The following ACLY variants were observed in gnomAD, a reference collection of about 807,000 sequenced individuals.
ACLY encodes the protein ATP citrate lyase.
In ACLY, 41 loss-of-function variants were observed where a neutral mutation model predicts 133.0. That is an observed-to-expected ratio of 0.31 (90% CI 0.24 to 0.40). The LOEUF (loss-of-function observed/expected upper bound fraction) is 0.40. ACLY is among the 10% of genes least tolerant of loss of function. The pLI, the probability that ACLY is intolerant of heterozygous loss-of-function variation, is 1.00. For synonymous variants in ACLY, 495 were observed against 549.3 expected (o/e 0.90, Z 1.38); for missense variants, 1,046 against 1,453.8 (o/e 0.72, Z 4.56).
chr17:41,893,246 C>T, intron 14 of ACLY, 72 bp from the exon 15 acceptor site: 1 of 1,512,330 alleles, frequency 6.6e-7, no homozygotes, highest in South Asian at 1.3e-5. Context: ...CCAGGGCTGC[C>T]TGACAGACCC....
At chr17:41,903,755 CAAAAAAAAAAAAAA>C (rs10615655) in intron 10 of ACLY, among the ~76,000 whole-genome samples, 3 of 48,692 alleles carry the variant, frequency 6.2e-5, no homozygotes, top group Admixed American at 3.4e-4. Flanking sequence ...GACTCTGTCT[CAAAAAAAAAAAAAA>C]AAAAAAAAAA....
At chr17:41,898,598 C>T (rs781907755) in intron 12 of ACLY, 33 bp downstream of exon 12, 3 of 1,608,116 alleles carry the variant, frequency 1.9e-6, no homozygotes, top group Admixed American at 1.7e-5. Flanking sequence ...GAGATGGTTC[C>T]TTCCTGTAAG....
chr17:41,887,555 A>G lies in ACLY; in HGVS notation c.1875+44T>C, dbSNP rs1166244586. 1.9e-6 allele frequency: 3 copies of G among 1,540,026 alleles called. No individual in the cohort carries two copies. In the East Asian group the frequency reaches 6.7e-5, roughly 35 times the overall value. The stretch of plus-strand genomic sequence containing the variant: ...ACTTCCTAAGGGCATTGAACTTCAT[A>G]AGATAGCATCGAACGTAAAAGGCTT... On this transcript the variant is annotated intron_variant, in intron 17 of 28. Coordinates refer to ENST00000352035, the MANE Select transcript of ACLY (RefSeq NM_001096.3).
At chr17:41,924,001 A>C (rs1432177755), upstream of ACLY, among the ~76,000 whole-genome samples, 1 of 151,920 alleles carries the variant, frequency 6.6e-6, no homozygotes, top group East Asian at 1.9e-4. Context: ...AGTAGAAATG[A>C]GGTTTCGCCA....
At chr17:41,908,696 G>A (rs1448935096) in intron 6 of ACLY, among the ~76,000 whole-genome samples, 1 of 152,164 alleles carries the variant, frequency 6.6e-6, no homozygotes, top group African/African-American at 2.4e-5. Context: ...ACCAGGAGGC[G>A]GAGATTGCAG....
chr17:41,872,057 C>T lies in ACLY; in HGVS notation c.2768G>A (p.Ser923Asn). The change falls in exon 24 of 29, where the codon AGC becomes AAC. Residue 923 changes from serine to asparagine, a missense_variant. Transcript: ENST00000352035. ...GATGGTGAGCAGCCCCGAGGTGAGG[C>T]TGGAGACCAGGTCTTTCCCAGCTCG... is the stretch of plus-strand genomic sequence containing the variant. The part of the protein sequence containing the change: ...CARAGKDLVS[S>N]LTSGLLTIGD... The T allele has an allele frequency of 6.2e-7, 1 of 1,614,052 alleles. No homozygotes were observed. The highest frequency in any genetic ancestry group is 8.5e-7 in the Non-Finnish European group (1 of 1,179,966).
intron 2 of ACLY, among the ~76,000 whole-genome samples, chr17:41,912,881 A>T (rs1376735135): frequency 6.6e-6 from 1 of 152,188 alleles, no homozygotes; most frequent in Non-Finnish European, 1.5e-5. Context: ...CAGAATATGG[A>T]CCAGAACATG....
intron 6 of ACLY, among the ~76,000 whole-genome samples, chr17:41,908,622 G>A (rs2049797432): frequency 6.6e-6 from 1 of 152,184 alleles, no homozygotes; most frequent in East Asian, 1.9e-4. Flanking sequence ...AAATTAGCCT[G>A]GCGTGGTGGC....
chr17:41,899,355 CT>C (rs1662890548), intron 11 of ACLY, among the ~76,000 whole-genome samples: 1 of 152,138 alleles, frequency 6.6e-6, no homozygotes, highest in Non-Finnish European at 1.5e-5. Flanking sequence ...CATATTCCTC[CT>C]GTTCGCAGTC....
chr17:41,906,327 G>C lies in ACLY; in HGVS notation c.866+201C>G, dbSNP rs200068607. ...AAAACTCATAAAACAGCTTCATTTT[G>C]ACACAAACAAGAAGGTTATAGAAGA... On this transcript the variant is annotated intron_variant, in intron 8 of 28. Coordinates refer to ENST00000352035, the MANE Select transcript of ACLY (RefSeq NM_001096.3). 2.0e-5 allele frequency among the ~76,000 whole-genome samples: 3 copies of C among 152,240 alleles called. No homozygotes were observed. The East Asian group carries it at 5.8e-4, about 29-fold the overall frequency.
At chr17:41,880,723 G>GA (rs1485373142) in intron 20 of ACLY, among the ~76,000 whole-genome samples, 1 of 151,904 alleles carries the variant, frequency 6.6e-6, no homozygotes, top group Non-Finnish European at 1.5e-5. Flanking sequence ...AAAATTAGCC[G>GA]AGTGTGGTGG....
At chr17:41,901,299 G>A (rs1366524998) in intron 11 of ACLY, among the ~76,000 whole-genome samples, 3 of 151,742 alleles carry the variant, frequency 2.0e-5, no homozygotes, top group Admixed American at 6.6e-5. Flanking sequence ...AGGCTGCCCC[G>A]ACCCCTCCCA....
Position 41,913,733 on chromosome 17 carries a change from G to A in ACLY, c.141C>T (p.His47=), listed in dbSNP as rs934224475. 6.2e-7 allele frequency: 1 copy of A among 1,614,152 alleles called. No homozygotes were observed. Among genetic ancestry groups the A allele is most frequent in the Non-Finnish European group, 8.5e-7 (1 of 1,180,026 alleles). Residue 47 remains histidine (H), a synonymous_variant, in exon 2 of 29, where the codon CAC becomes CAT. Transcript: ENST00000352035. ...DTDWARLLQD[H]PWLLSQNLVV... ...GGCTCACCTGGCTGAGCAGCCAGGG[G>A]TGGTCCTGCAGCAAGCGGGCCCAGT... is the stretch of plus-strand genomic sequence containing the variant.
At chr17:41,871,092 C>T (rs2048585372) in intron 25 of ACLY, among the ~76,000 whole-genome samples, 1 of 152,148 alleles carries the variant, frequency 6.6e-6, no homozygotes, top group Non-Finnish European at 1.5e-5. Flanking sequence ...TGACCTTGGC[C>T]CTTTTACCCA....
intron 3 of ACLY, among the ~76,000 whole-genome samples, chr17:41,910,509 C>T (rs1395197348): frequency 6.6e-6 from 1 of 152,230 alleles, no homozygotes; most frequent in Non-Finnish European, 1.5e-5. Flanking sequence ...GAACAGGCAC[C>T]GACCTTGCCC....
intron 22 of ACLY, among the ~76,000 whole-genome samples, chr17:41,874,472 T>G (rs1350626042): frequency 6.6e-6 from 1 of 152,150 alleles, no homozygotes; most frequent in Admixed American, 6.5e-5. Flanking sequence ...AGGGTCTTGC[T>G]ATGCTGTCCA....
At chr17:41,906,744 A>T (rs998477804) in intron 7 of ACLY, 98 bp from the exon 8 acceptor site, 21 of 1,105,404 alleles carry the variant, frequency 1.9e-5, no homozygotes, top group Non-Finnish European at 2.7e-5. Flanking sequence ...AGCACATGAA[A>T]AGGTGCCTTA....
intron 22 of ACLY, among the ~76,000 whole-genome samples, chr17:41,877,860 C>G (rs1470067737): frequency 3.9e-5 from 6 of 152,160 alleles, no homozygotes; most frequent in African/African-American, 1.4e-4. Context: ...GGGACTCGGA[C>G]TGGCTCTCCT....
At chr17:41,890,637 G>A (rs1200985463) in intron 16 of ACLY, among the ~76,000 whole-genome samples, 2 of 151,692 alleles carry the variant, frequency 1.3e-5, no homozygotes, top group Admixed American at 6.6e-5. Context: ...GCGGTGAGCC[G>A]AGATTGCACC....
Sources: gnomAD v4.1 joint callset for allele counts (sites outside exome capture counted in the v4.1 genomes callset) on GRCh38, gnomAD v4.1.1 for gene constraint, MANE v1.5 for transcripts, NCBI Gene and HGNC (gene_info 2026-07-23, HGNC 2026-07-21) for gene names.